HMCN1: variants seen among roughly 807,000 people sequenced by gnomAD.
HMCN1 encodes hemicentin-1.
HMCN1 carries 321 observed loss-of-function variants against 625.9 expected under a neutral mutation model. The ratio of observed to expected loss-of-function variants is 0.51; its 90% CI spans 0.47 to 0.56. The LOEUF is 0.56. HMCN1 is among the 20% of genes least tolerant of loss of function. The pLI is 0.00. For synonymous variants in HMCN1, 2,425 were observed against 2,417.6 expected, an observed-to-expected ratio of 1.00 and a Z score of -0.09; for missense variants, 6,588 against 6,887.3, an observed-to-expected ratio of 0.96 and a Z score of 1.54.
chr1:186,087,151 AT>A (rs2102400497), intron 58 of HMCN1, 65 bp from the exon 59 acceptor site: 1 of 964,528 alleles, frequency 1.0e-6, no homozygotes, highest in East Asian at 2.4e-5. Flanking sequence ...TATTTATCTG[AT>A]TGGTAAAATA....
intron 50 of HMCN1, 48 bp downstream of exon 50, chr1:186,068,055 A>G (rs765462397): frequency 6.8e-7 from 1 of 1,475,636 alleles, no homozygotes; most frequent in Non-Finnish European, 9.5e-7. Flanking sequence ...GTCATCTACT[A>G]TTCTAGAAAA....
chr1:185,906,776 T>G (rs929289839), intron 4 of HMCN1, among the ~76,000 whole-genome samples: 1 of 151,824 alleles, frequency 6.6e-6, no homozygotes, highest in African/African-American at 2.4e-5. Flanking sequence ...TCTTTTCTAT[T>G]GAGAATCATT....
At chr1:186,086,952 C>T (rs1189775095) in intron 58 of HMCN1, among the ~76,000 whole-genome samples, 1 of 152,010 alleles carries the variant, frequency 6.6e-6, no homozygotes, top group Non-Finnish European at 1.5e-5. Flanking sequence ...ATTTGCTCAC[C>T]AGAGCCTGTA....
rs148052452 is a variant in HMCN1, at chr1:186,041,078, C to T, written c.6246C>T (p.Thr2082=). Residue 2082 remains threonine (T), a synonymous_variant, in exon 40 of 107, where the codon ACC becomes ACT. Transcript: ENST00000271588. ...SAQISDTGRY[T]CVAVNAAGEK... Reference sequence around the variant, plus strand: ...AAATCAGCGACACAGGAAGGTACACCTGCGTGGCAGTGAATGCTGCTGGAG... The same window carrying T: ...AAATCAGCGACACAGGAAGGTACACTTGCGTGGCAGTGAATGCTGCTGGAG... 440 of 1,612,846 alleles carry T rather than the reference C, an allele frequency of 2.7e-4. 1 individual carries two copies. The highest frequency in any genetic ancestry group is 5.4e-5 in the Non-Finnish European group (64 of 1,179,120).
chr1:185,734,644 G>A lies in HMCN1; in HGVS notation c.-136G>A. On this transcript the variant is annotated 5_prime_UTR_variant, in exon 1 of 107. Transcript: ENST00000271588. ...TGCTTGTCCCCGTCTGATTCTCAGC[G>A]CCAAACTTTTTGCTAGTTCAGAGAT... 1 of 846,816 alleles carries A rather than the reference G, an allele frequency of 1.2e-6. No homozygotes were observed. The highest frequency in any genetic ancestry group is 1.9e-5 in the Admixed American group (1 of 52,456). The allele number at this position is 846,816 out of a possible 1,614,324, so 52.5% of individuals were successfully genotyped here. A position where few individuals can be genotyped will look rare whatever the true frequency, so the allele number is the denominator to read the frequency against.
chr1:185,978,960 C>T lies in HMCN1; in HGVS notation c.2566+979C>T, dbSNP rs60520182. On this transcript the variant is annotated intron_variant, in intron 16 of 106. Transcript: ENST00000271588. The stretch of plus-strand genomic sequence containing the variant: ...CTTCCCAAAGTACTGGGATTGCTGT[C>T]GTGAACCACCATGTCTGGCCCAAGT... Among the ~76,000 whole-genome samples the T allele has an allele frequency of 5.9e-3, 893 of 152,236 alleles. 14 individuals carry two copies. Among genetic ancestry groups the T allele is most frequent in the African/African-American group, 0.02 (839 of 41,560 alleles).
intron 1 of HMCN1, among the ~76,000 whole-genome samples, chr1:185,768,341 G>GA (rs1380707512): frequency 6.6e-6 from 1 of 152,082 alleles, no homozygotes; most frequent in African/African-American, 2.4e-5. Flanking sequence ...TGATGGGCTG[G>GA]AAAAAAGTAA....
chr1:186,093,091 A>G, intron 64 of HMCN1, 43 bp from the exon 65 acceptor site: 1 of 1,612,288 alleles, frequency 6.2e-7, no homozygotes, highest in Non-Finnish European at 8.5e-7. Flanking sequence ...AGTGAAATAG[A>G]TTCAATCTCA....
Position 185,864,640 on chromosome 1 carries a change from T to G in HMCN1, c.498+12T>G. The G allele has an allele frequency of 1.6e-5, 26 of 1,613,574 alleles. No homozygotes were observed. The highest frequency in any genetic ancestry group is 2.2e-5 in the Non-Finnish European group (26 of 1,179,628). ...AGAAACAGTCACAAGTGAGTAAGAA[T>G]CAACCCCAAACGTCTCTGTCTAAAT... On this transcript the variant is annotated intron_variant, in intron 3 of 106. Transcript: ENST00000271588.
At chr1:185,802,455 A>T (rs1218308856) in intron 1 of HMCN1, among the ~76,000 whole-genome samples, 1 of 152,184 alleles carries the variant, frequency 6.6e-6, no homozygotes, top group East Asian at 1.9e-4. Flanking sequence ...TCACCTAGGT[A>T]AAGTGTAGTA....
intron 1 of HMCN1, among the ~76,000 whole-genome samples, chr1:185,841,405 G>A (rs1661471274): frequency 6.6e-6 from 1 of 152,122 alleles, no homozygotes; most frequent in African/African-American, 2.4e-5. Flanking sequence ...AACCATTTTG[G>A]TTACATAGGA....
chr1:186,159,000 G>A (rs923841600), intron 97 of HMCN1, among the ~76,000 whole-genome samples: 6 of 152,122 alleles, frequency 3.9e-5, no homozygotes, highest in Admixed American at 6.6e-5. Context: ...GGATGGCATC[G>A]AATCTATAAA....
At chr1:185,962,688 T>A (rs779666601) in intron 12 of HMCN1, 29 bp downstream of exon 12, 2 of 1,362,122 alleles carry the variant, frequency 1.5e-6, no homozygotes, top group Admixed American at 3.4e-5. Flanking sequence ...GTTTTTGTTT[T>A]TATTGAGTGA....
At chr1:186,123,329 C>G (rs902476720) in intron 81 of HMCN1, 109 bp downstream of exon 81, 12 of 1,324,670 alleles carry the variant, frequency 9.1e-6, no homozygotes, top group Middle Eastern at 2.0e-4. Flanking sequence ...ACTCAGTAAT[C>G]CAAAGTGTGT....
chr1:186,152,746 C>A lies in HMCN1; in HGVS notation c.14897-4C>A. Reference sequence around the variant, plus strand: ...TGTCAAAATGAATGTCTTGTAATTCCCAGGAGAAATCTTGCAGATGAGTCA... The same window carrying A: ...TGTCAAAATGAATGTCTTGTAATTCACAGGAGAAATCTTGCAGATGAGTCA... On this transcript the variant is annotated splice_polypyrimidine_tract_variant and splice_region_variant and intron_variant, in intron 95 of 106. Transcript: ENST00000271588. 6.2e-7 allele frequency: 1 copy of A among 1,613,622 alleles called. No individual in the cohort carries two copies. Among genetic ancestry groups the A allele is most frequent in the Non-Finnish European group, 8.5e-7 (1 of 1,179,674 alleles).
chr1:186,099,488 C>A (rs1660291961), intron 68 of HMCN1, among the ~76,000 whole-genome samples: 1 of 152,042 alleles, frequency 6.6e-6, no homozygotes, highest in East Asian at 1.9e-4. Flanking sequence ...TTCTAGCCAT[C>A]ATTTAACTAT....
chr1:185,913,271 C>T (rs1428130591), intron 6 of HMCN1, among the ~76,000 whole-genome samples: 1 of 151,976 alleles, frequency 6.6e-6, no homozygotes, highest in Non-Finnish European at 1.5e-5. Flanking sequence ...GTTTTTTTTC[C>T]ACCCAGTTCC....
intron 3 of HMCN1, among the ~76,000 whole-genome samples, chr1:185,865,531 C>T (rs577697393): frequency 6.6e-6 from 1 of 150,652 alleles, no homozygotes; most frequent in South Asian, 2.1e-4. Context: ...CACCATGTTC[C>T]TATCTGGGTT....
At chr1:186,077,767 C>G (rs987278837) in intron 54 of HMCN1, among the ~76,000 whole-genome samples, 2 of 152,146 alleles carry the variant, frequency 1.3e-5, no homozygotes, top group Admixed American at 1.3e-4. Context: ...ATGGTGTAAA[C>G]TTCTATTAAA....
Sources: gnomAD v4.1 joint callset for allele counts (sites outside exome capture counted in the v4.1 genomes callset) on GRCh38, gnomAD v4.1.1 for gene constraint, MANE v1.5 for transcripts, NCBI Gene and HGNC (gene_info 2026-07-23, HGNC 2026-07-21) for gene names.